TET3: variants seen among roughly 807,000 people sequenced by gnomAD.
TET3 encodes tet methylcytosine dioxygenase 3.
A neutral mutation model predicts 141.4 loss-of-function variants in TET3; 19 were observed. The ratio of observed to expected loss-of-function variants is 0.13; its 90% confidence interval spans 0.09 to 0.20. The LOEUF is 0.20. Ranked by LOEUF, TET3 falls within the 10% of genes least tolerant of loss-of-function variation. TET3 has a pLI of 1.00. For synonymous variants in TET3, 1,043 were observed against 980.9 expected (o/e 1.06, Z -1.18); for missense variants, 1,874 against 2,356.9 (o/e 0.80, Z 4.24).
chr2:74,032,536 T>G (rs1686808816), intron 3 of TET3, among the ~76,000 whole-genome samples: 1 of 111,180 alleles, frequency 9.0e-6, no homozygotes, highest in Admixed American at 8.7e-5. Context: ...TTGCTGGGTC[T>G]GGCTGAGGAG....
intron 5 of TET3, among the ~76,000 whole-genome samples, chr2:74,078,538 T>A (rs1350621674): frequency 1.3e-5 from 2 of 152,224 alleles, no homozygotes; most frequent in South Asian, 4.1e-4. Context: ...TTGTGAAATT[T>A]ATTATAATGT....
rs61217149 is a variant in TET3, at chr2:74,032,451, CTGTGTGTGTGTGTGTGTGTGTGTG to C, written c.361-13793_361-13770del. Among the ~76,000 whole-genome samples, 73 of 71,948 alleles carry C rather than the reference CTGTGTGTGTGTGTGTGTGTGTGTG, an allele frequency of 1.0e-3. 2 individuals carry two copies. Among genetic ancestry groups the C allele is most frequent in the Non-Finnish European group, 1.5e-3 (61 of 40,848 alleles). 47.2% of individuals were successfully genotyped at this position (71,948 alleles called of 152,430 possible). The stretch of plus-strand genomic sequence containing the variant: ...CAGCGGCTGCAAGAGGGGTGTGTCT[CTGTGTGTGTGTGTGTGTGTGTGTG>C]TGTGTGTGTGTGTGTGTGTGTGTGT... On this transcript the variant is annotated intron_variant, in intron 3 of 11. Transcript: ENST00000409262.
chr2:73,998,098 A>G (rs1684680980), intron 2 of TET3, among the ~76,000 whole-genome samples: 1 of 152,134 alleles, frequency 6.6e-6, no homozygotes, highest in South Asian at 2.1e-4. Flanking sequence ...ATGAGGACAG[A>G]TTGCTGGGTA....
chr2:74,027,870 GT>G lies in TET3; in HGVS notation c.361-18402del, dbSNP rs539906246. ...TGAACATGCCCATTTTAAAATTGGG[GT>G]TTTTTGGTTAAGGGGTTGTAAGAGT... On this transcript the variant is annotated intron_variant, in intron 3 of 11. Coordinates refer to ENST00000409262, the MANE Select transcript of TET3 (RefSeq NM_001287491.2). Among the ~76,000 whole-genome samples the G allele has an allele frequency of 5.3e-5, 8 of 152,182 alleles. No homozygotes were observed. In the South Asian group the frequency reaches 1.7e-3, roughly 32 times the overall value.
intron 3 of TET3, among the ~76,000 whole-genome samples, chr2:74,022,383 G>A (rs1388745609): frequency 1.3e-5 from 2 of 150,918 alleles, no homozygotes; most frequent in Non-Finnish European, 2.9e-5. Flanking sequence ...GGCAAGTATT[G>A]CAAATTTCTT....
chr2:74,102,353 C>T lies in TET3; in HGVS notation c.*177C>T, dbSNP rs1691273880. 4.9e-6 allele frequency: 5 copies of T among 1,018,726 alleles called. No homozygotes were observed. Among genetic ancestry groups the T allele is most frequent in the Admixed American group, 4.2e-5 (1 of 23,646 alleles). 63.1% of individuals were successfully genotyped at this position (1,018,726 alleles called of 1,614,324 possible). ...TGGTCCAAACCTCAGAACTGACCCG[C>T]CCCTCCCTTACCCCCACTTCCCCAG... On this transcript the variant is annotated 3_prime_UTR_variant, in exon 12 of 12. Transcript: ENST00000409262.
chr2:74,062,525 G>A (rs1195226601), intron 4 of TET3, among the ~76,000 whole-genome samples: 1 of 152,226 alleles, frequency 6.6e-6, no homozygotes. Context: ...GTGAAAAGCA[G>A]AAGTAAAGGA....
chr2:74,017,023 C>T (rs2105221755), intron 3 of TET3, among the ~76,000 whole-genome samples: 1 of 152,192 alleles, frequency 6.6e-6, no homozygotes, highest in Admixed American at 6.5e-5. Context: ...CAGTGGCACA[C>T]TCCTATAATC....
the TET3 span, among the ~76,000 whole-genome samples, chr2:74,116,307 C>CA: frequency 6.6e-6 from 1 of 152,046 alleles, no homozygotes; most frequent in Non-Finnish European, 1.5e-5. Context: ...GGAGGTTCCT[C>CA]AAAAAGTACA....
downstream of TET3, among the ~76,000 whole-genome samples, chr2:74,110,831 C>G (rs888767839): frequency 3.3e-5 from 5 of 152,164 alleles, no homozygotes; most frequent in Admixed American, 6.5e-5. Context: ...CTGTGCTGCT[C>G]CTGTGGAACA....
At chr2:73,985,210 G>A (rs1463712996) in intron 1 of TET3, 53 bp downstream of exon 1, 1 of 144,314 alleles carries the variant, frequency 6.9e-6, no homozygotes, top group Non-Finnish European at 1.5e-5. Flanking sequence ...GGCGGCGGGA[G>A]GCGCGGGGGG....
At chr2:74,053,533 C>T (rs1365185180) in intron 4 of TET3, among the ~76,000 whole-genome samples, 1 of 152,218 alleles carries the variant, frequency 6.6e-6, no homozygotes, top group Non-Finnish European at 1.5e-5. Flanking sequence ...GACTAAACCA[C>T]AGCAAAAGCA....
chr2:74,006,272 A>AG (rs1260733050), intron 3 of TET3, among the ~76,000 whole-genome samples: 1 of 152,242 alleles, frequency 6.6e-6, no homozygotes, highest in Non-Finnish European at 1.5e-5. Flanking sequence ...AGAGAAGTGA[A>AG]GGAACTAAGC....
rs756085842 is a variant in TET3, at chr2:74,105,185, C to T, written c.*3009C>T. 2.5e-6 allele frequency: 1 copy of T among 398,482 alleles called. No homozygotes were observed. Among genetic ancestry groups the T allele is most frequent in the Non-Finnish European group, 4.4e-6 (1 of 226,032 alleles). The allele number at this position is 398,482 out of a possible 1,614,324, so 24.7% of individuals were successfully genotyped here. ...AATAAAGCCATTGCAACTAAAGAAC[C>T]TAACAGCATGACCAAGTTCGAAGAG... On this transcript the variant is annotated 3_prime_UTR_variant, in exon 12 of 12. Transcript: ENST00000409262.
chr2:74,019,410 G>A (rs1156304130), intron 3 of TET3, among the ~76,000 whole-genome samples: 1 of 152,096 alleles, frequency 6.6e-6, no homozygotes, highest in African/African-American at 2.4e-5. Context: ...ATCTTTGCCC[G>A]CATATTAGAA....
At chr2:74,114,072 A>G in the TET3 span, among the ~76,000 whole-genome samples, 987 of 152,318 alleles carry the variant, frequency 6.5e-3, 9 homozygotes, top group African/African-American at 0.022. Context: ...AACTGTAATA[A>G]CCAAAACAGC....
At chr2:74,036,919 T>C (rs1687094313) in intron 3 of TET3, among the ~76,000 whole-genome samples, 1 of 152,224 alleles carries the variant, frequency 6.6e-6, no homozygotes, top group Non-Finnish European at 1.5e-5. Context: ...ACAGATTTGC[T>C]GTATCTGCCC....
intron 2 of TET3, among the ~76,000 whole-genome samples, chr2:73,999,546 C>G (rs555196468): frequency 2.4e-4 from 36 of 152,174 alleles, no homozygotes; most frequent in African/African-American, 8.2e-4. Context: ...TCCTGAGGTT[C>G]TCAGTGTTAG....
chr2:74,104,988 A>G lies in TET3; in HGVS notation c.*2812A>G, dbSNP rs1313008573. 5 of 396,022 alleles carry G rather than the reference A, an allele frequency of 1.3e-5. No homozygotes were observed. Among genetic ancestry groups the G allele is most frequent in the Non-Finnish European group, 2.2e-5 (5 of 225,098 alleles). The allele number at this position is 396,022 out of a possible 1,614,324, so 24.5% of individuals were successfully genotyped here. ...TAACCTACCTCAAATCTCAGTCATT[A>G]AAATTAGCATGCTTTAGACATATAT... On this transcript the variant is annotated 3_prime_UTR_variant, in exon 12 of 12. Transcript: ENST00000409262.
Sources: allele counts gnomAD v4.1 joint callset (sites outside exome capture counted in the v4.1 genomes callset), GRCh38; gene constraint gnomAD v4.1.1; transcripts MANE v1.5; gene names NCBI Gene and HGNC (gene_info 2026-07-23, HGNC 2026-07-21).